Variants in PRKG1 observed in about 807,000 individuals in gnomAD.
PRKG1 encodes the protein cGMP-dependent protein kinase 1.
PRKG1 carries 35 observed loss-of-function variants against 88.1 expected under a neutral mutation model. The observed-to-expected ratio is 0.40, with a 90% CI of 0.30 to 0.53. The LOEUF is 0.53. PRKG1 is among the 20% of genes least tolerant of loss of function. The probability of loss-of-function intolerance (pLI) is 0.59; values close to 1 mark genes in which losing one functional copy is unlikely to be tolerated. For missense variants in PRKG1, 540 were observed against 839.8 expected (o/e 0.64, Z 4.41); for synonymous variants, 303 against 292.5 (o/e 1.04, Z -0.37).
chr10:51,808,667 G>A (rs1459885145), intron 4 of PRKG1, among the ~76,000 whole-genome samples: 2 of 152,056 alleles, frequency 1.3e-5, no homozygotes, highest in African/African-American at 4.8e-5. Flanking sequence ...TAAAAATATT[G>A]ACTTTAAGTG....
Position 51,374,093 on chromosome 10 carries a change from A to AAATAT in PRKG1, c.479-93629_479-93628insATATA. 1.3e-3 allele frequency among the ~76,000 whole-genome samples: 128 copies of AAATAT among 100,182 alleles called. 3 individuals are homozygous for AAATAT. Among genetic ancestry groups the AAATAT allele is most frequent in the Non-Finnish European group, 1.8e-3 (83 of 45,370 alleles). 65.7% of individuals were successfully genotyped at this position (100,182 alleles called of 152,430 possible). A position where few individuals can be genotyped will look rare whatever the true frequency, so the allele number is the denominator to read the frequency against. On this transcript the variant is annotated intron_variant, in intron 2 of 17. Transcript: ENST00000373980. Reference sequence around the variant, plus strand: ...GCTGGCAGAGGTTGCAAAAAAAAAAAATATATATATATATATATATGTACT... The same window carrying AAATAT: ...GCTGGCAGAGGTTGCAAAAAAAAAAAAATATATATATATATATATATATATGTACT...
chr10:52,243,727 G>T (rs531218056), intron 9 of PRKG1, among the ~76,000 whole-genome samples: 77 of 152,208 alleles, frequency 5.1e-4, no homozygotes, highest in African/African-American at 1.8e-3. Flanking sequence ...TCTTCACAAA[G>T]AATCAGCCAG....
intron 2 of PRKG1, among the ~76,000 whole-genome samples, chr10:51,233,322 A>AT (rs542984120): frequency 8.2e-4 from 125 of 152,284 alleles, no homozygotes; most frequent in African/African-American, 3.0e-3. Flanking sequence ...AGAACACCCC[A>AT]TTTTACAATA....
chr10:52,126,024 A>G (rs1392347913), intron 7 of PRKG1: 1 of 152,192 alleles, frequency 6.6e-6, no homozygotes, highest in Non-Finnish European at 1.5e-5. Context: ...ACGACAGAGT[A>G]AGGCTTAATT....
At chr10:51,913,153 G>A (rs4382850) in intron 5 of PRKG1, among the ~76,000 whole-genome samples, 15 of 151,938 alleles carry the variant, frequency 9.9e-5, no homozygotes, top group Non-Finnish European at 1.8e-4. Flanking sequence ...GGTCTTGAAC[G>A]CCTGACCTCA....
At chr10:51,314,824 G>C (rs1459495982) in intron 2 of PRKG1, among the ~76,000 whole-genome samples, 4 of 152,136 alleles carry the variant, frequency 2.6e-5, no homozygotes, top group Non-Finnish European at 4.4e-5. Context: ...CACTGTCTCG[G>C]AAAAGGCCAT....
intron 9 of PRKG1, among the ~76,000 whole-genome samples, chr10:52,180,504 C>T (rs1320499702): frequency 6.6e-6 from 1 of 152,148 alleles, no homozygotes; most frequent in Non-Finnish European, 1.5e-5. Flanking sequence ...GTTATCTCTT[C>T]CAATTTTATT....
At chr10:51,756,359 T>C (rs984032976) in intron 3 of PRKG1, among the ~76,000 whole-genome samples, 4 of 151,906 alleles carry the variant, frequency 2.6e-5, no homozygotes, top group African/African-American at 9.7e-5. Flanking sequence ...TGGTAATGTA[T>C]GCCTGTTCTC....
At chr10:52,058,395 G>A (rs1427565174) in intron 6 of PRKG1, among the ~76,000 whole-genome samples, 2 of 151,988 alleles carry the variant, frequency 1.3e-5, no homozygotes, top group Non-Finnish European at 2.9e-5. Context: ...GCCAAATGAT[G>A]CAGTGAAAGG....
chr10:51,758,252 T>G (rs79118137), intron 3 of PRKG1, among the ~76,000 whole-genome samples: 1 of 152,204 alleles, frequency 6.6e-6, no homozygotes, highest in African/African-American at 2.4e-5. Context: ...AGAGTAAAAT[T>G]GACAGTTCTT....
intron 2 of PRKG1, among the ~76,000 whole-genome samples, chr10:51,375,463 T>G (rs1842798361): frequency 6.6e-6 from 1 of 151,882 alleles, no homozygotes; most frequent in Non-Finnish European, 1.5e-5. Flanking sequence ...ATAGAAGACA[T>G]ACTGGCTGAG....
At chr10:51,550,857 C>A (rs1035397656) in intron 3 of PRKG1, among the ~76,000 whole-genome samples, 7 of 151,906 alleles carry the variant, frequency 4.6e-5, no homozygotes, top group Non-Finnish European at 8.8e-5. Context: ...GACATTGGTT[C>A]AATGTCAAAA....
At chr10:51,304,017 G>A (rs747969235) in intron 2 of PRKG1, among the ~76,000 whole-genome samples, 12 of 151,898 alleles carry the variant, frequency 7.9e-5, no homozygotes, top group Non-Finnish European at 1.2e-4. Flanking sequence ...ATGGGGTTTC[G>A]TCATGTTGGC....
At chr10:51,310,612 T>A (rs936619291) in intron 2 of PRKG1, among the ~76,000 whole-genome samples, 1 of 152,218 alleles carries the variant, frequency 6.6e-6, no homozygotes, top group African/African-American at 2.4e-5. Context: ...TTTATTTTTT[T>A]ATTTTTTTGC....
At chr10:51,400,591 T>A (rs1222460727) in intron 2 of PRKG1, among the ~76,000 whole-genome samples, 2 of 152,204 alleles carry the variant, frequency 1.3e-5, no homozygotes, top group African/African-American at 4.8e-5. Flanking sequence ...CTGTGAGGAC[T>A]CTTAAGGGAT....
At chr10:51,680,853 C>A (rs1840834312) in intron 3 of PRKG1, among the ~76,000 whole-genome samples, 1 of 152,144 alleles carries the variant, frequency 6.6e-6, no homozygotes, top group Admixed American at 6.5e-5. Flanking sequence ...ATCCTCATTG[C>A]TTGTAACATG....
At chr10:51,203,039 G>A (rs1589240573) in intron 2 of PRKG1, among the ~76,000 whole-genome samples, 1 of 152,220 alleles carries the variant, frequency 6.6e-6, no homozygotes. Context: ...ATATAAATGT[G>A]AGGGACATTT....
intron 2 of PRKG1, among the ~76,000 whole-genome samples, chr10:51,349,772 G>T (rs1260197681): frequency 2.0e-5 from 3 of 152,030 alleles, no homozygotes; most frequent in Non-Finnish European, 2.9e-5. Flanking sequence ...CTCCCAAAGT[G>T]CTTGGATTAC....
chr10:51,278,165 G>T (rs920855700), intron 2 of PRKG1, among the ~76,000 whole-genome samples: 4 of 152,224 alleles, frequency 2.6e-5, no homozygotes, highest in African/African-American at 9.6e-5. Flanking sequence ...TAGCATGAAG[G>T]GCTGTTGAAT....
Sources: gnomAD v4.1 joint callset for allele counts (sites outside exome capture counted in the v4.1 genomes callset) on GRCh38, gnomAD v4.1.1 for gene constraint, MANE v1.5 for transcripts, NCBI Gene and HGNC (gene_info 2026-07-23, HGNC 2026-07-21) for gene names.